The following NOX4 variants were observed in gnomAD, a reference collection of about 807,000 sequenced individuals.
NOX4 encodes the protein kidney oxidase-1.
Under a neutral mutation model 87.6 loss-of-function variants are expected in NOX4, and 69 were observed. The observed-to-expected ratio is 0.79, with a 90% CI of 0.65 to 0.96. The LOEUF is 0.96. NOX4 is among the 40% of genes least tolerant of loss of function. NOX4 has a pLI of 0.00. For missense variants in NOX4, 680 were observed against 681.5 expected (o/e 1.00, Z 0.02); for synonymous variants, 275 against 238.2 (o/e 1.15, Z -1.42).
intron 2 of NOX4, among the ~76,000 whole-genome samples, chr11:89,474,156 C>A (rs932233519): frequency 6.6e-6 from 1 of 151,996 alleles, no homozygotes; most frequent in Non-Finnish European, 1.5e-5. Context: ...TTGCGCCAAC[C>A]TATTAAATTA....
the NOX4 span, among the ~76,000 whole-genome samples, chr11:89,529,435 A>G: frequency 6.6e-6 from 1 of 152,210 alleles, no homozygotes; most frequent in Non-Finnish European, 1.5e-5. Context: ...AAGTAGCCTG[A>G]TTACACAGAC....
the NOX4 span, among the ~76,000 whole-genome samples, chr11:89,517,002 T>C: frequency 6.6e-6 from 1 of 151,286 alleles, no homozygotes; most frequent in African/African-American, 2.4e-5. Context: ...CTCCTGCTCT[T>C]CTCCTCATTC....
intron 14 of NOX4, 56 bp downstream of exon 14, chr11:89,342,018 T>C (rs1946023947): frequency 3.6e-6 from 5 of 1,372,294 alleles, no homozygotes; most frequent in South Asian, 1.3e-5. Context: ...AAGAGAGATA[T>C]CAGAAATATT....
rs368723191 is a variant in NOX4, at chr11:89,381,829, C to CT, written c.1075-8338dup. 1.2e-3 allele frequency among the ~76,000 whole-genome samples: 188 copies of CT among 152,296 alleles called. 2 individuals carry two copies. The highest frequency in any genetic ancestry group is 4.1e-3 in the African/African-American group (169 of 41,566). On this transcript the variant is annotated intron_variant, in intron 11 of 17. Transcript: ENST00000263317. The stretch of plus-strand genomic sequence containing the variant: ...CAATTTTAAATCGGGTAAGCAGGCT[C>CT]TTTTTACTCTTCTCCAGCCTCTCTC...
At chr11:89,550,627 A>G in the NOX4 span, among the ~76,000 whole-genome samples, 1 of 151,900 alleles carries the variant, frequency 6.6e-6, no homozygotes, top group African/African-American at 2.4e-5. Flanking sequence ...TCCTTCACTC[A>G]CTTTTTGATG....
chr11:89,515,352 C>T, the NOX4 span, among the ~76,000 whole-genome samples: 11 of 151,826 alleles, frequency 7.2e-5, no homozygotes, highest in South Asian at 2.3e-3. Flanking sequence ...ATGGCTATGT[C>T]ACTTATATAG....
intron 13 of NOX4, among the ~76,000 whole-genome samples, chr11:89,347,487 G>T (rs374034103): frequency 1.3e-5 from 2 of 152,202 alleles, no homozygotes; most frequent in African/African-American, 4.8e-5. Flanking sequence ...TTACAAGAAA[G>T]AATTGTGTCA....
chr11:89,458,397 C>T (rs11828840), intron 2 of NOX4, among the ~76,000 whole-genome samples: 3,104 of 152,158 alleles, frequency 0.02, 113 homozygotes, highest in African/African-American at 0.07. Flanking sequence ...AGGACATAGA[C>T]CTTGGCAAAG....
At chr11:89,509,672 G>C in the NOX4 span, among the ~76,000 whole-genome samples, 44 of 151,954 alleles carry the variant, frequency 2.9e-4, no homozygotes, top group African/African-American at 1.0e-3. Flanking sequence ...GTATATCAGA[G>C]AAGAAATTAA....
At chr11:89,529,911 C>T in the NOX4 span, among the ~76,000 whole-genome samples, 2 of 152,054 alleles carry the variant, frequency 1.3e-5, no homozygotes, top group Non-Finnish European at 2.9e-5. Context: ...TCCCATTTCA[C>T]TCAATTTTGA....
At chr11:89,379,319 G>A (rs1444563244) in intron 11 of NOX4, among the ~76,000 whole-genome samples, 1 of 151,646 alleles carries the variant, frequency 6.6e-6, no homozygotes, top group Non-Finnish European at 1.5e-5. Flanking sequence ...CACAACACTG[G>A]AAAAACCCAG....
the NOX4 span, among the ~76,000 whole-genome samples, chr11:89,516,861 T>C: frequency 6.6e-6 from 1 of 151,844 alleles, no homozygotes; most frequent in Non-Finnish European, 1.5e-5. Context: ...GCATCGTGGG[T>C]ATTTGGGGAG....
chr11:89,559,019 G>A, the NOX4 span, among the ~76,000 whole-genome samples: 1 of 152,156 alleles, frequency 6.6e-6, no homozygotes, highest in East Asian at 1.9e-4. Context: ...CTTTAACTTT[G>A]CCTGATCACC....
chr11:89,382,955 A>T (rs531888991), intron 11 of NOX4, among the ~76,000 whole-genome samples: 1 of 151,872 alleles, frequency 6.6e-6, no homozygotes, highest in African/African-American at 2.4e-5. Flanking sequence ...CAATTCTTAG[A>T]CCCTTTACCG....
the NOX4 span, among the ~76,000 whole-genome samples, chr11:89,589,094 A>C: frequency 2.6e-5 from 4 of 152,160 alleles, no homozygotes; most frequent in East Asian, 7.7e-4. Flanking sequence ...GTAAATGTTC[A>C]TCTACCTTGC....
chr11:89,404,826 C>T (rs1942078856), intron 8 of NOX4, among the ~76,000 whole-genome samples: 1 of 152,038 alleles, frequency 6.6e-6, no homozygotes, highest in Admixed American at 6.6e-5. Context: ...AGTATCATAT[C>T]AGTAATTTTT....
In NOX4 at chr11:89,342,114, T is replaced by C; in HGVS notation, c.1297A>G (p.Ile433Val). 6.2e-7 allele frequency: 1 copy of C among 1,613,456 alleles called. No homozygotes were observed. The highest frequency in any genetic ancestry group is 1.1e-5 in the South Asian group (1 of 91,064). The change falls in exon 14 of 18, where the codon ATT (isoleucine) becomes GTT (valine). Residue 433 changes from isoleucine to valine, a missense_variant. By Grantham distance (29) the Ile-to-Val change is conservative. Coordinates refer to ENST00000263317, the MANE Select transcript of NOX4 (RefSeq NM_016931.5). ...YEVSLCVAGG[I>V]GVTPFASILN... Reference sequence around the variant, plus strand: ...ATTGATGCAAATGGAGTTACTCCAATGCCTCCAGCCACGCAGAGGCTGACC... The same window carrying C: ...ATTGATGCAAATGGAGTTACTCCAACGCCTCCAGCCACGCAGAGGCTGACC...
intron 11 of NOX4, among the ~76,000 whole-genome samples, chr11:89,392,516 G>C (rs186974056): frequency 2.0e-5 from 3 of 152,222 alleles, no homozygotes; most frequent in Admixed American, 2.0e-4. Flanking sequence ...ACAATGTACT[G>C]TTCTTATTTC....
At chr11:89,518,749 T>C in the NOX4 span, among the ~76,000 whole-genome samples, 1 of 152,068 alleles carries the variant, frequency 6.6e-6, no homozygotes, top group Non-Finnish European at 1.5e-5. Flanking sequence ...GGAAATAAGG[T>C]TGGTCCTTAA....
Sources: allele counts gnomAD v4.1 joint callset (sites outside exome capture counted in the v4.1 genomes callset), GRCh38; gene constraint gnomAD v4.1.1; transcripts MANE v1.5; gene names NCBI Gene and HGNC (gene_info 2026-07-23, HGNC 2026-07-21).